The following DLGAP1 variants were observed in gnomAD, a reference collection of about 807,000 sequenced individuals.
The protein encoded by DLGAP1 is DLG associated protein 1.
Under a neutral mutation model 90.8 loss-of-function variants are expected in DLGAP1, and 11 were observed. The ratio of observed to expected loss-of-function variants is 0.12; its 90% CI spans 0.08 to 0.20. DLGAP1 has a LOEUF of 0.20. DLGAP1 is among the 10% of genes least tolerant of loss of function. DLGAP1 has a pLI of 1.00. For missense variants in DLGAP1, 1,050 were observed against 1,333.8 expected (o/e 0.79, Z 3.31); for synonymous variants, 558 against 540.7 (o/e 1.03, Z -0.44).
chr18:3,907,752 C>A (rs569040768), intron 3 of DLGAP1, among the ~76,000 whole-genome samples: 1 of 152,146 alleles, frequency 6.6e-6, no homozygotes, highest in Non-Finnish European at 1.5e-5. Flanking sequence ...ATAGAAGACT[C>A]GAAGGCCAGG....
intron 8 of DLGAP1, chr18:3,580,038 G>A (rs1051666173): frequency 5.8e-5 from 38 of 651,030 alleles, no homozygotes; most frequent in South Asian, 1.9e-4. Flanking sequence ...AGAAATGTGC[G>A]TTAGGAATTA....
chr18:4,068,267 T>G (rs2075398792), intron 2 of DLGAP1, among the ~76,000 whole-genome samples: 2 of 152,182 alleles, frequency 1.3e-5, no homozygotes, highest in South Asian at 2.1e-4. Flanking sequence ...TAATAGTGAC[T>G]TACTCAGTAG....
At chr18:3,574,884 G>T (rs886072570) in intron 8 of DLGAP1, among the ~76,000 whole-genome samples, 3 of 150,460 alleles carry the variant, frequency 2.0e-5, no homozygotes, top group African/African-American at 7.3e-5. Flanking sequence ...GCACAATCTT[G>T]GCTCACTGCA....
intron 5 of DLGAP1, among the ~76,000 whole-genome samples, chr18:3,797,207 C>T (rs1296425019): frequency 6.6e-6 from 1 of 152,044 alleles, no homozygotes; most frequent in Non-Finnish European, 1.5e-5. Context: ...TGGTGCACAC[C>T]TGTAGTCCCA....
chr18:4,313,975 G>T (rs756599766), intron 1 of DLGAP1, among the ~76,000 whole-genome samples: 1 of 152,162 alleles, frequency 6.6e-6, no homozygotes, highest in Non-Finnish European at 1.5e-5. Context: ...ATGGGGACAA[G>T]GATAAGCACG....
intron 1 of DLGAP1, among the ~76,000 whole-genome samples, chr18:4,228,991 A>C (rs28797283): frequency 0.071 from 10,759 of 152,078 alleles, 558 homozygotes; most frequent in African/African-American, 0.14. Flanking sequence ...AATAAAGTTG[A>C]AGGATACAAA....
At chr18:3,553,862 A>G (rs187433189) in intron 9 of DLGAP1, among the ~76,000 whole-genome samples, 8 of 152,216 alleles carry the variant, frequency 5.3e-5, no homozygotes, top group Non-Finnish European at 1.2e-4. Context: ...AATTACTCCA[A>G]AGCCTATCAA....
intron 1 of DLGAP1, among the ~76,000 whole-genome samples, chr18:4,308,810 C>T (rs1322616176): frequency 1.3e-5 from 2 of 152,202 alleles, no homozygotes; most frequent in African/African-American, 2.4e-5. Flanking sequence ...AGCTGCTATT[C>T]TACCCTTTGC....
At chr18:3,717,223 ACT>A (rs1333464245) in intron 7 of DLGAP1, among the ~76,000 whole-genome samples, 6 of 152,094 alleles carry the variant, frequency 3.9e-5, no homozygotes, top group African/African-American at 1.4e-4. Flanking sequence ...TTTTATATTC[ACT>A]CTAGAAATGT....
intron 1 of DLGAP1, among the ~76,000 whole-genome samples, chr18:4,185,732 T>A (rs1180817730): frequency 6.6e-6 from 1 of 152,156 alleles, no homozygotes; most frequent in African/African-American, 2.4e-5. Flanking sequence ...TTGTGAATAG[T>A]GCTGCAATGA....
intron 1 of DLGAP1, among the ~76,000 whole-genome samples, chr18:4,360,232 TAGAC>T (rs1024017892): frequency 1.6e-4 from 24 of 152,304 alleles, no homozygotes; most frequent in Admixed American, 6.5e-4. Context: ...TTTGTGGCAT[TAGAC>T]AGGGTGGAAT....
rs1308696613 is a variant in DLGAP1 at position 4,439,423 on chromosome 18, CAA to C, written c.-267+15581_-267+15582del. Reference sequence around the variant, plus strand: ...TGTTATTTCATATTCATTCTTTAGACAAATATTTATTAAGAAGTTCTATGCTA... The same window carrying C: ...TGTTATTTCATATTCATTCTTTAGACATATTTATTAAGAAGTTCTATGCTA... On this transcript the variant is annotated intron_variant, in intron 1 of 12. Coordinates refer to ENST00000315677, the MANE Select transcript of DLGAP1 (RefSeq NM_004746.4). Among the ~76,000 whole-genome samples the C allele has an allele frequency of 1.4e-4, 22 of 152,248 alleles. 1 individual carries two copies. The highest frequency in any genetic ancestry group is 4.6e-4 in the Admixed American group (7 of 15,296).
At chr18:3,634,844 C>T (rs987214402) in intron 7 of DLGAP1, among the ~76,000 whole-genome samples, 1 of 152,174 alleles carries the variant, frequency 6.6e-6, no homozygotes, top group African/African-American at 2.4e-5. Context: ...CTTTACCAAA[C>T]ATTAAATTTC....
intron 3 of DLGAP1, among the ~76,000 whole-genome samples, chr18:3,883,125 T>C (rs1039262799): frequency 6.6e-6 from 1 of 152,160 alleles, no homozygotes; most frequent in Non-Finnish European, 1.5e-5. Context: ...GAGCCTGTAA[T>C]ATCAGCTACT....
At chr18:4,267,181 T>C (rs1179401395) in intron 1 of DLGAP1, among the ~76,000 whole-genome samples, 1 of 145,392 alleles carries the variant, frequency 6.9e-6, no homozygotes, top group Non-Finnish European at 1.5e-5. Context: ...ATCACTGTAA[T>C]GAGTGTGTGT....
At chr18:4,308,062 T>C (rs940132384) in intron 1 of DLGAP1, among the ~76,000 whole-genome samples, 6 of 152,138 alleles carry the variant, frequency 3.9e-5, no homozygotes, top group African/African-American at 1.2e-4. Flanking sequence ...ACACCTGTCA[T>C]CCCATCTGAA....
chr18:4,381,029 C>T (rs565203224), intron 1 of DLGAP1, among the ~76,000 whole-genome samples: 1 of 152,190 alleles, frequency 6.6e-6, no homozygotes, highest in Non-Finnish European at 1.5e-5. Context: ...TTATTTCCAA[C>T]CAACCATCAT....
In DLGAP1 at chr18:3,970,621, T is replaced by A. The variant is rs989581658; in HGVS notation, c.-73+34495A>T. Among the ~76,000 whole-genome samples the A allele has an allele frequency of 1.5e-4, 23 of 149,480 alleles. 1 individual carries two copies. The highest frequency in any genetic ancestry group is 1.4e-3 in the Admixed American group (21 of 15,176). On this transcript the variant is annotated intron_variant, in intron 3 of 12. Transcript: ENST00000315677. ...AAAAAATAAAGAGAAACAAAGAAGA[T>A]AAACATCTTGCCCCATATTAGACTG...
Position 4,232,016 on chromosome 18 carries a change from A to G in DLGAP1, c.-266-80729T>C, listed in dbSNP as rs1301782586. 2.0e-5 allele frequency among the ~76,000 whole-genome samples: 3 copies of G among 152,158 alleles called. No homozygotes were observed. In the East Asian group the frequency reaches 5.8e-4, roughly 29 times the overall value. Reference sequence around the variant, plus strand: ...TCATGTAGAACTGAATAAATTGAATAATAACTATTTCATAATTATTTGGAG... The same window carrying G: ...TCATGTAGAACTGAATAAATTGAATGATAACTATTTCATAATTATTTGGAG... On this transcript the variant is annotated intron_variant, in intron 1 of 12. Transcript: ENST00000315677.
Sources: allele counts gnomAD v4.1 joint callset (sites outside exome capture counted in the v4.1 genomes callset), GRCh38; gene constraint gnomAD v4.1.1; transcripts MANE v1.5; gene names NCBI Gene and HGNC (gene_info 2026-07-23, HGNC 2026-07-21).